The following DENND5B variants were observed in gnomAD, a reference collection of about 807,000 sequenced individuals.
The protein encoded by DENND5B is DENN domain-containing protein 5B.
DENND5B carries 34 observed loss-of-function variants against 140.6 expected under a neutral mutation model. The observed-to-expected ratio is 0.24, with a 90% CI of 0.18 to 0.32. The LOEUF is 0.32. Ranked by LOEUF, DENND5B falls within the 10% of genes least tolerant of loss-of-function variation. The pLI is 1.00. For missense variants in DENND5B, 1,142 were observed against 1,560.2 expected, an observed-to-expected ratio of 0.73 and a Z score of 4.52; for synonymous variants, 551 against 562.1, an observed-to-expected ratio of 0.98 and a Z score of 0.28.
intron 3 of DENND5B, among the ~76,000 whole-genome samples, chr12:31,471,316 A>G (rs1448200796): frequency 6.6e-6 from 1 of 152,116 alleles, no homozygotes; most frequent in Admixed American, 6.6e-5. Flanking sequence ...TTGTTTCCAC[A>G]TAATTTTGTT....
chr12:31,562,812 C>T (rs1949520031), intron 1 of DENND5B, among the ~76,000 whole-genome samples: 1 of 152,112 alleles, frequency 6.6e-6, no homozygotes, highest in African/African-American at 2.4e-5. Flanking sequence ...ACTTCAGTGA[C>T]AAGACTTCTA....
At chr12:31,474,872 A>G (rs1265873783) in intron 3 of DENND5B, among the ~76,000 whole-genome samples, 2 of 152,226 alleles carry the variant, frequency 1.3e-5, no homozygotes, top group Non-Finnish European at 2.9e-5. Flanking sequence ...CTTTCATTTT[A>G]TACTCTACAA....
intron 1 of DENND5B, among the ~76,000 whole-genome samples, chr12:31,578,155 C>T (rs1167812795): frequency 7.2e-6 from 1 of 139,262 alleles, no homozygotes; most frequent in East Asian, 2.1e-4. Context: ...AAAAAAACTA[C>T]AACCCTAACA....
chr12:31,399,561 G>A (rs1264617855), intron 16 of DENND5B, 93 bp downstream of exon 16: 7 of 1,004,398 alleles, frequency 7.0e-6, no homozygotes, highest in Middle Eastern at 4.6e-4. Flanking sequence ...TTATAGGTGT[G>A]AGCCACTGTG....
At position 31,515,139 on chromosome 12, in the gene DENND5B, C is replaced by T. The variant is rs370706069; in HGVS notation, c.128-19220G>A. ...CCCTGTCTCTAAAAAGAAAACAGAACGTAAGACTTGCGATTATAAGCCGAG... is the reference window on the plus strand; with the variant it reads ...CCCTGTCTCTAAAAAGAAAACAGAATGTAAGACTTGCGATTATAAGCCGAG... On this transcript the variant is annotated intron_variant, in intron 1 of 20. Coordinates refer to ENST00000389082, the MANE Select transcript of DENND5B (RefSeq NM_144973.4). 2.8e-4 allele frequency among the ~76,000 whole-genome samples: 43 copies of T among 151,964 alleles called. No individual in the cohort carries two copies. The South Asian group carries it at 8.1e-3, about 29-fold the overall frequency.
chr12:31,488,165 G>A (rs71455669), intron 2 of DENND5B, among the ~76,000 whole-genome samples: 20,000 of 148,142 alleles, frequency 0.14, 1,587 homozygotes, highest in Non-Finnish European at 0.18. Context: ...TAGTAGAGAC[G>A]AGGTTTCACC....
intron 4 of DENND5B, among the ~76,000 whole-genome samples, chr12:31,454,809 T>A (rs1944693703): frequency 7.9e-6 from 1 of 126,792 alleles, no homozygotes; most frequent in African/African-American, 2.9e-5. Flanking sequence ...GATGATTCAG[T>A]ATCTTTTTTT....
chr12:31,411,132 C>T (rs1942439306), intron 13 of DENND5B, among the ~76,000 whole-genome samples: 1 of 151,756 alleles, frequency 6.6e-6, no homozygotes, highest in Admixed American at 6.6e-5. Flanking sequence ...TCTCGTCTCC[C>T]AGGCTCAAGC....
intron 19 of DENND5B, among the ~76,000 whole-genome samples, chr12:31,391,147 C>A (rs1219319094): frequency 2.0e-5 from 3 of 152,174 alleles, no homozygotes; most frequent in African/African-American, 7.2e-5. Flanking sequence ...CTGGCACTGG[C>A]ACTAAACACC....
At chr12:31,443,015 CCAAT>C (rs1944107505) in intron 6 of DENND5B, 90 bp from the exon 7 acceptor site, 2 of 1,224,048 alleles carry the variant, frequency 1.6e-6, no homozygotes, top group Non-Finnish European at 2.3e-6. Context: ...TACAGAGAAC[CCAAT>C]CACTCTGACA....
At chr12:31,557,579 A>C (rs1949332760) in intron 1 of DENND5B, among the ~76,000 whole-genome samples, 1 of 151,974 alleles carries the variant, frequency 6.6e-6, no homozygotes, top group Non-Finnish European at 1.5e-5. Flanking sequence ...ACAGGGTTTC[A>C]CCATGTCACC....
intron 1 of DENND5B, among the ~76,000 whole-genome samples, chr12:31,538,592 C>A (rs766187359): frequency 3.3e-5 from 5 of 152,068 alleles, no homozygotes; most frequent in African/African-American, 1.2e-4. Flanking sequence ...TCAGGCCAGG[C>A]GCAGTGGCTC....
intron 4 of DENND5B, among the ~76,000 whole-genome samples, chr12:31,458,294 T>C (rs1031475516): frequency 6.6e-6 from 1 of 152,174 alleles, no homozygotes; most frequent in Non-Finnish European, 1.5e-5. Flanking sequence ...AACATACATA[T>C]AAATTATCTT....
At chr12:31,508,794 T>C (rs1947301334) in intron 1 of DENND5B, among the ~76,000 whole-genome samples, 1 of 152,176 alleles carries the variant, frequency 6.6e-6, no homozygotes. Flanking sequence ...ATTAAGGTTC[T>C]GCACAGACTG....
intron 1 of DENND5B, among the ~76,000 whole-genome samples, chr12:31,566,478 C>T (rs1273557492): frequency 1.3e-5 from 2 of 151,736 alleles, no homozygotes; most frequent in Non-Finnish European, 2.9e-5. Flanking sequence ...TACGATAAAA[C>T]ATGTCATAGG....
intron 11 of DENND5B, among the ~76,000 whole-genome samples, chr12:31,419,098 A>C (rs1226533991): frequency 3.9e-5 from 6 of 152,230 alleles, no homozygotes; most frequent in Non-Finnish European, 8.8e-5. Context: ...TTTTATCTAG[A>C]GACCTAAAAT....
intron 1 of DENND5B, among the ~76,000 whole-genome samples, chr12:31,504,861 C>T (rs79122367): frequency 6.6e-6 from 1 of 152,186 alleles, no homozygotes. Flanking sequence ...TCAAGGCACA[C>T]AATCTATCTT....
intron 4 of DENND5B, among the ~76,000 whole-genome samples, chr12:31,454,425 T>G (rs995255177): frequency 5.9e-5 from 9 of 152,160 alleles, no homozygotes; most frequent in Non-Finnish European, 1.3e-4. Context: ...CTGAAGACAG[T>G]AGCACTGCCT....
intron 1 of DENND5B, among the ~76,000 whole-genome samples, chr12:31,561,897 G>C (rs896447790): frequency 2.0e-5 from 3 of 152,126 alleles, no homozygotes; most frequent in Non-Finnish European, 4.4e-5. Context: ...AACTTTCTCC[G>C]TAAGTTTAAG....
Sources: gnomAD v4.1 joint callset for allele counts (sites outside exome capture counted in the v4.1 genomes callset) on GRCh38, gnomAD v4.1.1 for gene constraint, MANE v1.5 for transcripts, NCBI Gene and HGNC (gene_info 2026-07-23, HGNC 2026-07-21) for gene names.